TRAPPC8: variants seen among roughly 807,000 people sequenced by gnomAD.
The protein encoded by TRAPPC8 is general sporulation gene 1 homolog.
TRAPPC8 carries 54 observed loss-of-function variants against 174.3 expected under a neutral mutation model. The observed-to-expected ratio is 0.31, with a 90% CI of 0.25 to 0.39. The LOEUF (loss-of-function observed/expected upper bound fraction) is 0.39, where lower values mean the gene tolerates loss of function less well. Among genes scored for constraint, TRAPPC8 ranks in the 10% least tolerant of loss-of-function variants. The pLI is 1.00. For missense variants in TRAPPC8, 1,531 were observed against 1,699.1 expected (o/e 0.90, Z 1.74); for synonymous variants, 630 against 579.9 (o/e 1.09, Z -1.24).
chr18:31,883,344 T>A (rs905496137), intron 12 of TRAPPC8: 1 of 150,876 alleles, frequency 6.6e-6, no homozygotes, highest in Admixed American at 6.6e-5. Context: ...CCAAACACAC[T>A]ATAAAAGTAC....
rs1246506445 is a variant in TRAPPC8 at position 31,880,090 on chromosome 18, A to AATAT, written c.1729-5390_1729-5387dup. The stretch of plus-strand genomic sequence containing the variant: ...TTTTACTGAAACTATTGAAAAAAAA[A>AATAT]ATATATATATATATATATATATATA... On this transcript the variant is annotated intron_variant, in intron 12 of 28. Coordinates refer to ENST00000283351, the MANE Select transcript of TRAPPC8 (RefSeq NM_014939.5). Among the ~76,000 whole-genome samples, 649 of 85,266 alleles carry AATAT rather than the reference A, an allele frequency of 7.6e-3. 10 individuals are homozygous for AATAT. Among genetic ancestry groups the AATAT allele is most frequent in the South Asian group, 0.015 (30 of 2,014 alleles). 55.9% of individuals were successfully genotyped at this position (85,266 alleles called of 152,430 possible).
Position 31,867,123 on chromosome 18 carries a change from A to T in TRAPPC8, c.2464-148T>A, listed in dbSNP as rs914696657. ...TTATGAAAAGCATCTTCTTCAAAAG[A>T]AAATGTCTAAATTTAACAATTATAG... is the stretch of plus-strand genomic sequence containing the variant. On this transcript the variant is annotated intron_variant, in intron 17 of 28. Coordinates refer to ENST00000283351, the MANE Select transcript of TRAPPC8 (RefSeq NM_014939.5). 5 of 878,102 alleles carry T rather than the reference A, an allele frequency of 5.7e-6. No homozygotes were observed. In the African/African-American group the frequency reaches 8.5e-5, roughly 15 times the overall value. The allele number at this position is 878,102 out of a possible 1,614,324, so 54.4% of individuals were successfully genotyped here.
intron 13 of TRAPPC8, 30 bp from the exon 14 acceptor site, chr18:31,873,568 A>T (rs750959392): frequency 6.6e-7 from 1 of 1,518,936 alleles, no homozygotes; most frequent in Non-Finnish European, 9.0e-7. Context: ...GAAAAAAAGT[A>T]GTTTTTGTGA....
At chr18:31,941,184 C>T (rs2038322792) in intron 1 of TRAPPC8, among the ~76,000 whole-genome samples, 2 of 152,170 alleles carry the variant, frequency 1.3e-5, no homozygotes, top group South Asian at 2.1e-4. Flanking sequence ...GGCTCACGCC[C>T]ATAATCCCCG....
At chr18:31,876,582 C>T (rs1031904925) in intron 12 of TRAPPC8, among the ~76,000 whole-genome samples, 1 of 150,294 alleles carries the variant, frequency 6.7e-6, no homozygotes, top group Non-Finnish European at 1.5e-5. Context: ...AACTAATTAT[C>T]CAAACAGAAA....
At chr18:31,908,177 C>T (rs548382670) in intron 8 of TRAPPC8, 126 bp downstream of exon 8, 1 of 494,846 alleles carries the variant, frequency 2.0e-6, no homozygotes, top group Non-Finnish European at 3.4e-6. Context: ...TCTTCTTATC[C>T]ACCTGAATTT....
At chr18:31,838,630 T>C (rs72928337) in intron 27 of TRAPPC8, among the ~76,000 whole-genome samples, 1 of 152,186 alleles carries the variant, frequency 6.6e-6, no homozygotes, top group Admixed American at 6.5e-5. Context: ...CTCTATACAG[T>C]GGCATTCTTC....
intron 2 of TRAPPC8, among the ~76,000 whole-genome samples, chr18:31,930,179 G>A (rs1346232820): frequency 6.6e-6 from 1 of 151,190 alleles, no homozygotes; most frequent in Admixed American, 6.6e-5. Flanking sequence ...GAGTGCCATG[G>A]TGCCATCTTG....
At position 31,839,471 on chromosome 18, in the gene TRAPPC8, GAAA is replaced by G; in HGVS notation, c.3838-17_3838-15del. On this transcript the variant is annotated splice_polypyrimidine_tract_variant and intron_variant, in intron 26 of 28. Coordinates refer to ENST00000283351, the MANE Select transcript of TRAPPC8 (RefSeq NM_014939.5). ...TTCTGGTGGCTCCTGAGAAAAGAAA[GAAA>G]AAACATATGACAATAAAAACACTAC... is the stretch of plus-strand genomic sequence containing the variant. The G allele has an allele frequency of 6.8e-7, 1 of 1,477,780 alleles. No homozygotes were observed. The highest frequency in any genetic ancestry group is 1.4e-5 in the South Asian group (1 of 69,318). The allele number at this position is 1,477,780 out of a possible 1,614,324, so 91.5% of individuals were successfully genotyped here. A position where few individuals can be genotyped will look rare whatever the true frequency, so the allele number is the denominator to read the frequency against.
At chr18:31,832,909 C>G (rs1292679976) in intron 27 of TRAPPC8, among the ~76,000 whole-genome samples, 1 of 152,068 alleles carries the variant, frequency 6.6e-6, no homozygotes, top group Non-Finnish European at 1.5e-5. Flanking sequence ...AAATAGTAAC[C>G]GTATAAGTTC....
At chr18:31,880,893 C>A (rs2035417479) in intron 12 of TRAPPC8, among the ~76,000 whole-genome samples, 2 of 151,910 alleles carry the variant, frequency 1.3e-5, no homozygotes, top group South Asian at 4.2e-4. Context: ...GAACTCAATC[C>A]CATTTACAAC....
chr18:31,925,694 G>A (rs1161645164), intron 2 of TRAPPC8, among the ~76,000 whole-genome samples: 1 of 152,146 alleles, frequency 6.6e-6, no homozygotes, highest in African/African-American at 2.4e-5. Flanking sequence ...AAACCCCAAC[G>A]TGAAATTTCA....
chr18:31,933,573 C>CAGCAGAT (rs2037947729), intron 1 of TRAPPC8, among the ~76,000 whole-genome samples: 1 of 152,108 alleles, frequency 6.6e-6, no homozygotes, highest in African/African-American at 2.4e-5. Context: ...ATAGCAGCAG[C>CAGCAGAT]AGCAGATACA....
intron 9 of TRAPPC8, 52 bp downstream of exon 9, chr18:31,907,408 A>T (rs2036709865): frequency 6.7e-7 from 1 of 1,498,410 alleles, no homozygotes; most frequent in Admixed American, 2.2e-5. Flanking sequence ...AGAAATTTCT[A>T]AATAATTTAT....
intron 28 of TRAPPC8, 55 bp downstream of exon 28, chr18:31,832,029 T>C: frequency 4.9e-6 from 6 of 1,224,674 alleles, no homozygotes; most frequent in East Asian, 2.7e-5. Context: ...TTGCATAATT[T>C]CAAAATATTA....
chr18:31,879,592 AAAAGAAAAGAAAT>A (rs1250129219), intron 12 of TRAPPC8, among the ~76,000 whole-genome samples: 10 of 152,264 alleles, frequency 6.6e-5, no homozygotes, highest in Middle Eastern at 3.4e-3. Flanking sequence ...CCAAGCTGGC[AAAAGAAAAGAAAT>A]AAAGATCAGA....
Position 31,858,234 on chromosome 18 carries a change from G to C in TRAPPC8, c.2746-252C>G, listed in dbSNP as rs139384958. On this transcript the variant is annotated intron_variant, in intron 19 of 28. Coordinates refer to ENST00000283351, the MANE Select transcript of TRAPPC8 (RefSeq NM_014939.5). ...TTAAAGGTATACTATCAGTACACAA[G>C]AGGGCTAACATGTCAAAATTTCACA... Among the ~76,000 whole-genome samples, 14 of 111,824 alleles carry C rather than the reference G, an allele frequency of 1.3e-4. No individual in the cohort carries two copies. In the East Asian group the frequency reaches 3.5e-3, roughly 28 times the overall value. The allele number at this position is 111,824 out of a possible 152,430, so 73.4% of individuals were successfully genotyped here.
chr18:31,844,166 T>C (rs2033259719), intron 26 of TRAPPC8, among the ~76,000 whole-genome samples: 2 of 152,168 alleles, frequency 1.3e-5, no homozygotes, highest in African/African-American at 2.4e-5. Flanking sequence ...TCAGGTGAAA[T>C]TTTTGTTGCA....
At chr18:31,913,918 C>T (rs2037023686) in intron 4 of TRAPPC8, among the ~76,000 whole-genome samples, 1 of 152,008 alleles carries the variant, frequency 6.6e-6, no homozygotes, top group African/African-American at 2.4e-5. Context: ...ATAATCCCAG[C>T]ACTTTGGAAG....
Sources: gnomAD v4.1 joint callset for allele counts (sites outside exome capture counted in the v4.1 genomes callset) on GRCh38, gnomAD v4.1.1 for gene constraint, MANE v1.5 for transcripts, NCBI Gene and HGNC (gene_info 2026-07-23, HGNC 2026-07-21) for gene names.